The following PGR variants were observed in gnomAD, a reference collection of about 807,000 sequenced individuals.
PGR encodes the protein progesterone receptor.
A neutral mutation model predicts 76.1 loss-of-function variants in PGR; 25 were observed. The ratio of observed to expected loss-of-function variants is 0.33; its 90% CI spans 0.24 to 0.46. The LOEUF is 0.46. Ranked by LOEUF, PGR falls within the 20% of genes least tolerant of loss-of-function variation. PGR has a pLI of 1.00. For missense variants in PGR, 1,172 were observed against 1,225.3 expected, an observed-to-expected ratio of 0.96 and a Z score of 0.65; for synonymous variants, 579 against 535.0, an observed-to-expected ratio of 1.08 and a Z score of -1.14.
chr11:101,051,581 T>G lies in PGR; in HGVS notation c.2213-13A>C. Reference sequence around the variant, plus strand: ...AAGTTTCGAAAACCTACAAAACAAATTTAAAAATACAGTGACCATAAAAAT... The same window carrying G: ...AAGTTTCGAAAACCTACAAAACAAAGTTAAAAATACAGTGACCATAAAAAT... On this transcript the variant is annotated splice_polypyrimidine_tract_variant and intron_variant, in intron 4 of 7. Coordinates refer to ENST00000325455, the MANE Select transcript of PGR (RefSeq NM_000926.4). 1 of 1,583,030 alleles carries G rather than the reference T, an allele frequency of 6.3e-7. No homozygotes were observed. Among genetic ancestry groups the G allele is most frequent in the Non-Finnish European group, 8.7e-7 (1 of 1,152,676 alleles).
At chr11:101,050,348 T>A (rs3802828) in intron 5 of PGR, among the ~76,000 whole-genome samples, 5 of 152,132 alleles carry the variant, frequency 3.3e-5, no homozygotes, top group African/African-American at 1.2e-4. Flanking sequence ...ACACTTTAAA[T>A]ACCTAAACCA....
At chr11:101,046,636 A>T (rs1318516869) in intron 6 of PGR, among the ~76,000 whole-genome samples, 1 of 151,902 alleles carries the variant, frequency 6.6e-6, no homozygotes, top group African/African-American at 2.4e-5. Context: ...GAGATTGAAG[A>T]TTATTTCTAT....
chr11:101,062,858 G>A, intron 3 of PGR, 106 bp from the exon 4 acceptor site: 1 of 644,764 alleles, frequency 1.6e-6, no homozygotes. Flanking sequence ...ATGCATTTTA[G>A]CATCAATCGA....
At chr11:101,059,996 A>C (rs1028739780) in intron 4 of PGR, among the ~76,000 whole-genome samples, 13 of 152,170 alleles carry the variant, frequency 8.5e-5, no homozygotes, top group African/African-American at 3.1e-4. Flanking sequence ...CCAGGCAATA[A>C]GAATTCTTAG....
intron 3 of PGR, among the ~76,000 whole-genome samples, chr11:101,087,509 GA>G (rs374134173): frequency 3.6e-4 from 55 of 152,232 alleles, no homozygotes; most frequent in African/African-American, 1.3e-3. Flanking sequence ...TATGATTCTG[GA>G]TATCAGCCTT....
chr11:101,042,110 G>A lies in PGR; in HGVS notation c.2489-8C>T. 1 of 1,612,876 alleles carries A rather than the reference G, an allele frequency of 6.2e-7. No individual in the cohort carries two copies. The highest frequency in any genetic ancestry group is 8.5e-7 in the Non-Finnish European group (1 of 1,179,288). On this transcript the variant is annotated splice_polypyrimidine_tract_variant and splice_region_variant and intron_variant, in intron 6 of 7. Transcript: ENST00000325455. The stretch of plus-strand genomic sequence containing the variant: ...GTAGCCCTTCCAAAGGAACTGTTAA[G>A]AAGACAATTAAAAGTGGCAGTTGTG...
intron 3 of PGR, 68 bp downstream of exon 3, chr11:101,091,692 T>C: frequency 1.1e-6 from 1 of 889,316 alleles, no homozygotes; most frequent in Non-Finnish European, 1.9e-6. Context: ...GAAATTGCAA[T>C]TTTCTGACAC....
chr11:101,042,417 A>G (rs2135380296), intron 6 of PGR, among the ~76,000 whole-genome samples: 1 of 152,232 alleles, frequency 6.6e-6, no homozygotes, highest in Non-Finnish European at 1.5e-5. Flanking sequence ...CTTATTCTAC[A>G]TGCTTCTTAA....
intron 2 of PGR, among the ~76,000 whole-genome samples, chr11:101,102,663 G>T (rs1862028348): frequency 6.6e-6 from 1 of 152,108 alleles, no homozygotes; most frequent in Admixed American, 6.5e-5. Flanking sequence ...AAGGTGTGGG[G>T]TGAAGGAGAG....
Position 101,033,965 on chromosome 11 carries a change from C to T in PGR, c.*5151G>A, listed in dbSNP as rs770473990. The stretch of plus-strand genomic sequence containing the variant: ...TAGCATATGTCCTGAAAACTATTTA[C>T]AATACCATTTAAATATTTTATTCAT... On this transcript the variant is annotated 3_prime_UTR_variant, in exon 8 of 8. Transcript: ENST00000325455. 4.4e-5 allele frequency: 10 copies of T among 226,770 alleles called. No individual in the cohort carries two copies. Among genetic ancestry groups the T allele is most frequent in the Non-Finnish European group, 7.0e-5 (8 of 114,150 alleles). The allele number at this position is 226,770 out of a possible 1,614,324, so 14.0% of individuals were successfully genotyped here.
intron 4 of PGR, among the ~76,000 whole-genome samples, chr11:101,055,574 G>A (rs898033921): frequency 3.3e-5 from 5 of 151,700 alleles, no homozygotes; most frequent in African/African-American, 9.7e-5. Context: ...TCTAAAAAAA[G>A]TATTTTATAA....
In PGR at chr11:101,127,667, C is replaced by T. The variant is rs748046620; in HGVS notation, c.1404G>A (p.Ala468=). The T allele has an allele frequency of 9.8e-6, 15 of 1,535,716 alleles. No homozygotes were observed. In the South Asian group the frequency reaches 1.2e-4, roughly 12 times the overall value. Residue 468 remains alanine (A), a synonymous_variant, in exon 1 of 8, where the codon GCG becomes GCA. Coordinates refer to ENST00000325455, the MANE Select transcript of PGR (RefSeq NM_000926.4). Reference sequence around the variant, plus strand: ...GCGCGAACGGGCCCTGCTGGGGCGGCGCGCCCTCCGCTTTGTACAGGATGC... The same window carrying T: ...GCGCGAACGGGCCCTGCTGGGGCGGTGCGCCCTCCGCTTTGTACAGGATGC... ...LECILYKAEG[A]PPQQGPFAPP... is the part of the protein sequence containing the mutation.
Position 101,050,832 on chromosome 11 carries a change from A to C in PGR, c.2357+592T>G, listed in dbSNP as rs1860059394. The stretch of plus-strand genomic sequence containing the variant: ...GCTGATTCCTTACTTATCTCAAGGA[A>C]TTGTTGGATAAAATGTAATGAAACA... On this transcript the variant is annotated intron_variant, in intron 5 of 7. Transcript: ENST00000325455. 2.5e-5 allele frequency: 4 copies of C among 162,650 alleles called. No homozygotes were observed. The South Asian group carries it at 6.8e-4, about 28-fold the overall frequency. The allele number at this position is 162,650 out of a possible 1,614,324, so 10.1% of individuals were successfully genotyped here.
rs1448817992 is a variant in PGR at position 101,030,574 on chromosome 11, G to A, written c.*8542C>T. Reference sequence around the variant, plus strand: ...CTTTGTGTTTTTCTCTTTGGCACTGGACCTTTCTCCTGGTCAGTTGGAGGC... The same window carrying A: ...CTTTGTGTTTTTCTCTTTGGCACTGAACCTTTCTCCTGGTCAGTTGGAGGC... On this transcript the variant is annotated 3_prime_UTR_variant, in exon 8 of 8. Transcript: ENST00000325455. The A allele has an allele frequency of 4.5e-6, 1 of 223,584 alleles. No individual in the cohort carries two copies. The highest frequency in any genetic ancestry group is 8.9e-6 in the Non-Finnish European group (1 of 112,102). 13.9% of individuals were successfully genotyped at this position (223,584 alleles called of 1,614,324 possible). A position where few individuals can be genotyped will look rare whatever the true frequency, so the allele number is the denominator to read the frequency against.
At chr11:101,060,244 CTAAT>C (rs1182316189) in intron 4 of PGR, among the ~76,000 whole-genome samples, 1 of 151,992 alleles carries the variant, frequency 6.6e-6, no homozygotes, top group East Asian at 1.9e-4. Flanking sequence ...GACATTCTGG[CTAAT>C]TAGTGAGGAT....
At chr11:101,097,539 G>A (rs523323) in intron 2 of PGR, among the ~76,000 whole-genome samples, 44,841 of 151,916 alleles carry the variant, frequency 0.3, 6,816 homozygotes, top group Non-Finnish European at 0.31. Context: ...TTTTTAGATA[G>A]GTGTATATAC....
intron 4 of PGR, among the ~76,000 whole-genome samples, chr11:101,056,871 A>G (rs911745128): frequency 6.6e-6 from 1 of 152,242 alleles, no homozygotes; most frequent in Admixed American, 6.5e-5. Context: ...AGAAGCTTCA[A>G]TATGATTAAG....
At chr11:101,101,400 G>C (rs1479465257) in intron 2 of PGR, among the ~76,000 whole-genome samples, 1 of 152,150 alleles carries the variant, frequency 6.6e-6, no homozygotes, top group African/African-American at 2.4e-5. Context: ...ATAAGTATCT[G>C]TTAGGCTTTC....
At chr11:101,100,612 C>CAT (rs1317758805) in intron 2 of PGR, among the ~76,000 whole-genome samples, 2 of 151,770 alleles carry the variant, frequency 1.3e-5, no homozygotes, top group Non-Finnish European at 2.9e-5. Context: ...AATCCACACA[C>CAT]ACACACACAC....
Sources: allele counts gnomAD v4.1 joint callset (sites outside exome capture counted in the v4.1 genomes callset), GRCh38; gene constraint gnomAD v4.1.1; transcripts MANE v1.5; gene names NCBI Gene and HGNC (gene_info 2026-07-23, HGNC 2026-07-21).